The following ANK1 variants were observed in gnomAD, a reference collection of about 807,000 sequenced individuals.
The protein encoded by ANK1 is ankyrin-1.
ANK1 carries 51 observed loss-of-function variants against 210.4 expected under a neutral mutation model. The ratio of observed to expected loss-of-function variants is 0.24; its 90% CI spans 0.19 to 0.31. The LOEUF (loss-of-function observed/expected upper bound fraction) is 0.31, where lower values mean the gene tolerates loss of function less well. Among genes scored for constraint, ANK1 ranks in the 10% least tolerant of loss-of-function variants. ANK1 has a pLI of 1.00. For missense variants in ANK1, 2,051 were observed against 2,504.4 expected (o/e 0.82, Z 3.86); for synonymous variants, 967 against 1,025.9 (o/e 0.94, Z 1.10).
intron 1 of ANK1, among the ~76,000 whole-genome samples, chr8:41,803,053 A>G (rs1358440626): frequency 1.5e-3 from 124 of 80,564 alleles, no homozygotes; most frequent in African/African-American, 6.2e-3. Context: ...GAAAGAAAGA[A>G]AGAGAGAAAG....
intron 1 of ANK1, among the ~76,000 whole-genome samples, chr8:41,878,136 A>G (rs774749273): frequency 5.3e-5 from 8 of 152,206 alleles, no homozygotes; most frequent in Non-Finnish European, 1.2e-4. Flanking sequence ...CTTACCAAAC[A>G]ATCCCAAATG....
chr8:41,730,735 TC>T, intron 3 of ANK1, among the ~76,000 whole-genome samples: 1 of 152,320 alleles, frequency 6.6e-6, no homozygotes, highest in East Asian at 1.9e-4. Context: ...CAGAAACTTT[TC>T]TAGACACCAG....
intron 1 of ANK1, among the ~76,000 whole-genome samples, chr8:41,817,506 G>C (rs1449019634): frequency 6.6e-6 from 1 of 152,156 alleles, no homozygotes; most frequent in African/African-American, 2.4e-5. Context: ...CTAAGAACTG[G>C]GTTGCAGCCT....
In ANK1 at chr8:41,727,903, A is replaced by G. The variant is rs1452508244; in HGVS notation, c.327+5T>C. 1 of 1,613,914 alleles carries G rather than the reference A, an allele frequency of 6.2e-7. No individual in the cohort carries two copies. The highest frequency in any genetic ancestry group is 8.5e-7 in the Non-Finnish European group (1 of 1,179,888). On this transcript the variant is annotated splice_donor_5th_base_variant and intron_variant, in intron 4 of 42. Transcript: ENST00000289734. ...ACCCTCTAGTCCAGACCAGAGAGCC[A>G]TTACCTGTGACTGGGCGTTGACGTT...
At chr8:41,843,100 G>A (rs899938135) in intron 1 of ANK1, among the ~76,000 whole-genome samples, 5 of 152,226 alleles carry the variant, frequency 3.3e-5, no homozygotes, top group South Asian at 4.1e-4. Flanking sequence ...CGCCCGCCTC[G>A]GCTTCCCAAA....
At chr8:41,691,403 C>T (rs996722602) in intron 31 of ANK1, among the ~76,000 whole-genome samples, 5 of 152,176 alleles carry the variant, frequency 3.3e-5, no homozygotes, top group African/African-American at 4.8e-5. Context: ...AGAGAAAAAC[C>T]GGTTTGCCTC....
chr8:41,877,860 G>A (rs1051272280), intron 1 of ANK1, among the ~76,000 whole-genome samples: 1 of 152,192 alleles, frequency 6.6e-6, no homozygotes, highest in Non-Finnish European at 1.5e-5. Flanking sequence ...AAGCACAAAG[G>A]CCTGAAGACA....
chr8:41,735,368 T>C (rs914495628), intron 2 of ANK1, among the ~76,000 whole-genome samples: 1 of 152,214 alleles, frequency 6.6e-6, no homozygotes, highest in African/African-American at 2.4e-5. Context: ...TTTTATTTTG[T>C]TCCTGTCCTC....
chr8:41,714,111 G>A (rs1323392664), intron 16 of ANK1, 45 bp downstream of exon 16: 1 of 1,275,758 alleles, frequency 7.8e-7, no homozygotes, highest in East Asian at 2.8e-5. Context: ...AAGGTAGCAG[G>A]TGACCTGCTC....
intron 1 of ANK1, among the ~76,000 whole-genome samples, chr8:41,874,883 C>T (rs765423130): frequency 6.6e-6 from 1 of 152,214 alleles, no homozygotes; most frequent in Non-Finnish European, 1.5e-5. Flanking sequence ...TCCACCATCA[C>T]GACTGACCCT....
At chr8:41,743,636 TG>T in intron 2 of ANK1, among the ~76,000 whole-genome samples, 1 of 152,246 alleles carries the variant, frequency 6.6e-6, no homozygotes, top group African/African-American at 2.4e-5. Flanking sequence ...GTTGGGAGGT[TG>T]TCATCACACT....
At chr8:41,792,001 T>C (rs1282494335) in intron 1 of ANK1, among the ~76,000 whole-genome samples, 1 of 152,158 alleles carries the variant, frequency 6.6e-6, no homozygotes, top group Non-Finnish European at 1.5e-5. Context: ...CCCTGTCTCA[T>C]TCCTGCGCCA....
chr8:41,688,312 T>TG, intron 34 of ANK1, 82 bp from the exon 35 acceptor site: 1 of 1,509,818 alleles, frequency 6.6e-7, no homozygotes, highest in Non-Finnish European at 9.2e-7. Flanking sequence ...GTGATGGATG[T>TG]GGCTTCCGTG....
At chr8:41,779,915 G>A (rs917691076) in intron 1 of ANK1, among the ~76,000 whole-genome samples, 12 of 152,216 alleles carry the variant, frequency 7.9e-5, no homozygotes, top group African/African-American at 2.9e-4. Flanking sequence ...AAATTCTGAG[G>A]AAGTAATGGT....
chr8:41,713,698 C>T (rs965248371), intron 16 of ANK1, among the ~76,000 whole-genome samples: 3 of 152,236 alleles, frequency 2.0e-5, no homozygotes, highest in African/African-American at 4.8e-5. Flanking sequence ...AAAGTACGGT[C>T]GCTGTGGCCC....
chr8:41,805,245 T>TC (rs1850791597), intron 1 of ANK1, among the ~76,000 whole-genome samples: 2 of 144,776 alleles, frequency 1.4e-5, no homozygotes, highest in Non-Finnish European at 3.1e-5. Context: ...CTTTGTCTCT[T>TC]TCTCTCTCTC....
At position 41,792,546 on chromosome 8, in the gene ANK1, C is replaced by G. The variant is rs751283618; in HGVS notation, c.27+4966G>C. 3.9e-5 allele frequency among the ~76,000 whole-genome samples: 6 copies of G among 152,290 alleles called. No homozygotes were observed. In the East Asian group the frequency reaches 1.2e-3, roughly 29 times the overall value. On this transcript the variant is annotated intron_variant, in intron 1 of 42. Transcript: ENST00000289734. Reference sequence around the variant, plus strand: ...TCAGCCCCAGGTTCAAGACCTTGGTCGAAGCCAGGGAAAATAAGAGGAAGT... The same window carrying G: ...TCAGCCCCAGGTTCAAGACCTTGGTGGAAGCCAGGGAAAATAAGAGGAAGT...
At chr8:41,688,383 C>T (rs1391831450) in intron 34 of ANK1, 128 bp downstream of exon 34, 7 of 1,431,162 alleles carry the variant, frequency 4.9e-6, no homozygotes, top group Middle Eastern at 2.1e-4. Flanking sequence ...GTCAGCTCTG[C>T]AGCTGCTTTT....
chr8:41,819,134 G>A (rs1803793408), intron 1 of ANK1, among the ~76,000 whole-genome samples: 1 of 152,122 alleles, frequency 6.6e-6, no homozygotes, highest in South Asian at 2.1e-4. Context: ...CCTCTTCTGG[G>A]TCCCCTCTCC....
Sources: allele counts gnomAD v4.1 joint callset (sites outside exome capture counted in the v4.1 genomes callset), GRCh38; gene constraint gnomAD v4.1.1; transcripts MANE v1.5; gene names NCBI Gene and HGNC (gene_info 2026-07-23, HGNC 2026-07-21).